Variants in ACSM4 observed in about 807,000 individuals in gnomAD.
ACSM4 encodes acyl-coenzyme A synthetase ACSM4, mitochondrial.
Under a neutral mutation model 73.0 loss-of-function variants are expected in ACSM4, and 66 were observed. That is an observed-to-expected ratio of 0.90 (90% CI 0.74 to 1.11). The LOEUF is 1.11. ACSM4 is among the 50% of genes least tolerant of loss of function. The pLI, the probability that ACSM4 is intolerant of heterozygous loss-of-function variation, is 0.00. For synonymous variants in ACSM4, 222 were observed against 254.0 expected (o/e 0.87, Z 1.20); for missense variants, 645 against 714.4 (o/e 0.90, Z 1.11).
Position 7,304,340 on chromosome 12 carries a change from T to C in ACSM4, c.9T>C (p.Ile3=). 1 of 1,613,892 alleles carries C rather than the reference T, an allele frequency of 6.2e-7. No homozygotes were observed. MK[I]FFRYQTFRFI... ...AAAGTCCTTTGGGAACCATGAAGAT[T>C]TTTTTCCGCTACCAGACATTTAGAT... The change falls in exon 1 of 13, where the codon ATT becomes ATC. Residue 3 remains isoleucine, a synonymous_variant. Coordinates refer to ENST00000399422, the MANE Select transcript of ACSM4 (RefSeq NM_001080454.2).
chr12:7,324,101 C>T (rs1946485080), intron 9 of ACSM4, among the ~76,000 whole-genome samples, 172 bp from the exon 10 acceptor site: 1 of 151,788 alleles, frequency 6.6e-6, no homozygotes, highest in African/African-American at 2.4e-5. Context: ...TCACTAGAGC[C>T]CAGGAGGTCG....
At chr12:7,311,129 G>A (rs770554842) in intron 3 of ACSM4, among the ~76,000 whole-genome samples, 2 of 151,762 alleles carry the variant, frequency 1.3e-5, no homozygotes, top group African/African-American at 2.4e-5. Context: ...TTATACCACT[G>A]CACTCCAGTC....
intron 12 of ACSM4, 148 bp downstream of exon 12, chr12:7,327,243 T>A: frequency 2.9e-6 from 3 of 1,027,020 alleles, no homozygotes; most frequent in Non-Finnish European, 4.1e-6. Flanking sequence ...AATTTTGCTT[T>A]AAAATGTTTT....
intron 9 of ACSM4, 141 bp downstream of exon 9, chr12:7,323,701 A>T: frequency 1.4e-6 from 1 of 730,854 alleles, no homozygotes; most frequent in Non-Finnish European, 2.3e-6. Context: ...TCTGTCACCC[A>T]AGAGTACTGT....
Position 7,304,233 on chromosome 12 carries a change from C to A in ACSM4, c.-99C>A. On this transcript the variant is annotated 5_prime_UTR_variant, in exon 1 of 13. An upstream open reading frame in the 5' UTR gains an earlier in-frame stop. Transcript: ENST00000399422. Reference sequence around the variant, plus strand: ...CAGCCACAAATCCACCTCCCAGTCTCACCACAGAGCATCAAGAAACTGATA... The same window carrying A: ...CAGCCACAAATCCACCTCCCAGTCTAACCACAGAGCATCAAGAAACTGATA... The A allele has an allele frequency of 7.8e-7, 1 of 1,284,376 alleles. No individual in the cohort carries two copies. Among genetic ancestry groups the A allele is most frequent in the Non-Finnish European group, 1.1e-6 (1 of 906,148 alleles). The allele number at this position is 1,284,376 out of a possible 1,614,324, so 79.6% of individuals were successfully genotyped here.
chr12:7,304,808 A>T (rs1051865413), intron 1 of ACSM4, among the ~76,000 whole-genome samples: 1 of 152,322 alleles, frequency 6.6e-6, no homozygotes, highest in Admixed American at 6.5e-5. Flanking sequence ...TCCAAGCCCC[A>T]TGCAACAGTG....
At position 7,318,183 on chromosome 12, in the gene ACSM4, G is replaced by GT; in HGVS notation, c.921+2dup. 2 of 1,612,756 alleles carry GT rather than the reference G, an allele frequency of 1.2e-6. No homozygotes were observed. On this transcript the variant is annotated splice_donor_variant, in intron 5 of 12. Transcript: ENST00000399422. LOFTEE classifies it high-confidence loss of function. ...GTTTGACACTGACACCTTCCTAGAC[G>GT]TAAGTCATGTCCTCCAGCTAGATAG... is the stretch of plus-strand genomic sequence containing the variant.
At position 7,317,151 on chromosome 12, in the gene ACSM4, A is replaced by C; in HGVS notation, c.635A>C (p.Glu212Ala). 6.2e-7 allele frequency: 1 copy of C among 1,611,898 alleles called. No individual in the cohort carries two copies. Among genetic ancestry groups the C allele is most frequent in the African/African-American group, 1.3e-5 (1 of 74,896 alleles). ...ATATTTTGCAGATTCGCCTCTGAAG[A>C]GCACAGCTGTGTGGAAACAGGAAGT... is the stretch of plus-strand genomic sequence containing the variant. ...FQELFQFASE[E>A]HSCVETGSQE... Residue 212 changes from glutamate (E) to alanine (A), a missense_variant, in exon 4 of 13, where the codon GAG becomes GCG. Transcript: ENST00000399422.
At chr12:7,315,430 G>T (rs998727970) in intron 3 of ACSM4, among the ~76,000 whole-genome samples, 1 of 151,766 alleles carries the variant, frequency 6.6e-6, no homozygotes, top group Non-Finnish European at 1.5e-5. Context: ...CGCCAACATG[G>T]TAGCACCCCA....
In ACSM4 at chr12:7,322,498, A is replaced by C; in HGVS notation, c.1082A>C (p.Gln361Pro). 6.2e-7 allele frequency: 1 copy of C among 1,613,890 alleles called. No homozygotes were observed. The highest frequency in any genetic ancestry group is 8.5e-7 in the Non-Finnish European group (1 of 1,179,824). ...GAAGTGCTGGAGCAGTGGAGGGTGC[A>C]AACTGGGCTGGAGCTATATGAGGGC... is the stretch of plus-strand genomic sequence containing the variant. Reference protein sequence around the residue: ...NPEVLEQWRVQTGLELYEGYG... With the variant: ...NPEVLEQWRVPTGLELYEGYG... The change falls in exon 7 of 13, where the codon CAA (glutamine) becomes CCA (proline). Residue 361 changes from glutamine (Q) to proline (P), a missense_variant. Transcript: ENST00000399422.
In ACSM4 at chr12:7,322,412, C is replaced by T. The variant is rs1946470551; in HGVS notation, c.1002-6C>T. The T allele has an allele frequency of 3.1e-6, 5 of 1,613,546 alleles. No homozygotes were observed. In the East Asian group the frequency reaches 1.1e-4, roughly 36 times the overall value. On this transcript the variant is annotated splice_polypyrimidine_tract_variant and splice_region_variant and intron_variant, in intron 6 of 12. Coordinates refer to ENST00000399422, the MANE Select transcript of ACSM4 (RefSeq NM_001080454.2). ...TGAAAAGACCCATGCAACTCTGTCT[C>T]TCCAGATATAAATTCAAGAGTCTGC...
chr12:7,322,269 A>G, intron 6 of ACSM4, 149 bp from the exon 7 acceptor site: 1 of 1,066,090 alleles, frequency 9.4e-7, no homozygotes, highest in Non-Finnish European at 1.4e-6. Context: ...CTGGCAATAT[A>G]GCAGGTGTTC....
In ACSM4 at chr12:7,318,086, C is replaced by G; in HGVS notation, c.825C>G (p.Val275=). The G allele has an allele frequency of 6.2e-7, 1 of 1,613,828 alleles. No homozygotes were observed. Among genetic ancestry groups the G allele is most frequent in the Non-Finnish European group, 8.5e-7 (1 of 1,179,844 alleles). Residue 275 remains valine, a synonymous_variant, in exon 5 of 13, where the codon GTC becomes GTG. Transcript: ENST00000399422. ...GGAATATGTCTGACACGGGCTGGGT[C>G]AAGGCCGCCATTGGCAGTGTGTTTT... ...IIWNMSDTGW[V]KAAIGSVFSS...
In ACSM4 at chr12:7,310,693, C is replaced by T. The variant is rs1190239079; in HGVS notation, c.567C>T (p.Leu189=). 1.9e-6 allele frequency: 3 copies of T among 1,613,560 alleles called. No homozygotes were observed. In the Admixed American group the frequency reaches 5.0e-5, roughly 27 times the overall value. ...VLECPDLKTK[L]LVSPQSWNGW... is the part of the protein sequence containing the mutation. ...AGTGTCCTGACCTTAAGACAAAACTCCTGGTGTCTCCACAAAGCTGGAATG... is the reference window on the plus strand; with the variant it reads ...AGTGTCCTGACCTTAAGACAAAACTTCTGGTGTCTCCACAAAGCTGGAATG... The change falls in exon 3 of 13, where the codon CTC becomes CTT. Residue 189 remains leucine (L), a synonymous_variant. Transcript: ENST00000399422.
At position 7,318,097 on chromosome 12, in the gene ACSM4, T is replaced by A. The variant is rs757950974; in HGVS notation, c.836T>A (p.Ile279Asn). ...MSDTGWVKAA[I>N]GSVFSSWLCG... ...GACACGGGCTGGGTCAAGGCCGCCA[T>A]TGGCAGTGTGTTTTCTTCCTGGCTG... Residue 279 changes from isoleucine (I) to asparagine (N), a missense_variant, in exon 5 of 13, where the codon ATT (isoleucine) becomes AAT (asparagine). Ile to Asn is a moderately radical substitution (Grantham distance 149). Transcript: ENST00000399422. 6.2e-7 allele frequency: 1 copy of A among 1,613,894 alleles called. No homozygotes were observed. The highest frequency in any genetic ancestry group is 8.5e-7 in the Non-Finnish European group (1 of 1,179,840).
At chr12:7,313,932 G>A (rs532100737) in intron 3 of ACSM4, among the ~76,000 whole-genome samples, 1 of 152,180 alleles carries the variant, frequency 6.6e-6, no homozygotes, top group African/African-American at 2.4e-5. Context: ...TTTTAAGAAG[G>A]GAAGTGCCAA....
intron 1 of ACSM4, among the ~76,000 whole-genome samples, 195 bp downstream of exon 1, chr12:7,304,727 C>T (rs1946352650): frequency 1.3e-5 from 2 of 152,218 alleles, no homozygotes; most frequent in African/African-American, 2.4e-5. Context: ...CTGGGCGGCT[C>T]TGGAGCCTTC....
Position 7,322,454 on chromosome 12 carries a change from AG to A in ACSM4, c.1042del (p.Glu348SerfsTer30). The A allele has an allele frequency of 5.6e-6, 9 of 1,613,792 alleles. No homozygotes were observed. Among genetic ancestry groups the A allele is most frequent in the Non-Finnish European group, 7.6e-6 (9 of 1,179,818 alleles). Reference protein sequence around the residue: ...FKSLRHCLTGGEPLNPEVLEQ... With the variant: ...FKSLRHCLTGXEPLNPEVLEQ... ...AGAGTCTGCGGCACTGCTTGACCGGAGGGGAGCCACTCAACCCAGAAGTGCT... is the reference window on the plus strand; with the variant it reads ...AGAGTCTGCGGCACTGCTTGACCGGAGGGAGCCACTCAACCCAGAAGTGCT... On this transcript the variant is annotated frameshift_variant, in exon 7 of 13. Transcript: ENST00000399422. LOFTEE classifies it high-confidence loss of function.
At chr12:7,305,345 A>G (rs182078348) in intron 1 of ACSM4, among the ~76,000 whole-genome samples, 3 of 152,354 alleles carry the variant, frequency 2.0e-5, no homozygotes, top group African/African-American at 7.2e-5. Flanking sequence ...CTGATTAAAT[A>G]TATATTCCTT....
Sources: gnomAD v4.1 joint callset for allele counts (sites outside exome capture counted in the v4.1 genomes callset) on GRCh38, gnomAD v4.1.1 for gene constraint, MANE v1.5 for transcripts, NCBI Gene and HGNC (gene_info 2026-07-23, HGNC 2026-07-21) for gene names.